The following LNPK variants were observed in gnomAD, a reference collection of about 807,000 sequenced individuals.
The protein encoded by LNPK is endoplasmic reticulum junction formation protein lunapark.
Under a neutral mutation model 55.2 loss-of-function variants are expected in LNPK, and 29 were observed. That is an observed-to-expected ratio of 0.53 (90% CI 0.39 to 0.72). The LOEUF is 0.72. LNPK is among the 30% of genes least tolerant of loss of function. The probability of loss-of-function intolerance (pLI) is 0.00; values close to 1 mark genes in which losing one functional copy is unlikely to be tolerated. For synonymous variants in LNPK, 162 were observed against 168.2 expected (o/e 0.96, Z 0.29); for missense variants, 467 against 494.8 (o/e 0.94, Z 0.53).
At chr2:175,948,362 G>A (rs988389771) in intron 8 of LNPK, among the ~76,000 whole-genome samples, 1 of 152,294 alleles carries the variant, frequency 6.6e-6, no homozygotes, top group South Asian at 2.1e-4. Flanking sequence ...TCAGGCTGCC[G>A]CCTGCTTTTG....
At chr2:175,956,570 T>C (rs1193561676) in intron 8 of LNPK, among the ~76,000 whole-genome samples, 8 of 152,196 alleles carry the variant, frequency 5.3e-5, no homozygotes, top group Non-Finnish European at 1.0e-4. Flanking sequence ...TAAGCTCCTG[T>C]TGCATATTCT....
chr2:175,971,919 TG>T (rs1477283498), intron 5 of LNPK, among the ~76,000 whole-genome samples: 2 of 152,146 alleles, frequency 1.3e-5, no homozygotes, highest in Non-Finnish European at 2.9e-5. Context: ...AAATCAAGTC[TG>T]TATTTTTTTG....
intron 9 of LNPK, chr2:175,940,846 TAA>T (rs1414939042): frequency 3.3e-6 from 1 of 306,482 alleles, no homozygotes; most frequent in Non-Finnish European, 6.4e-6. Context: ...CTTCTACAGA[TAA>T]AAACTACAAT....
chr2:175,998,595 A>C (rs144422028), intron 1 of LNPK, among the ~76,000 whole-genome samples: 301 of 152,344 alleles, frequency 2.0e-3, no homozygotes, highest in Admixed American at 3.6e-3. Flanking sequence ...AGATTTGAAT[A>C]TTTATATGTA....
At chr2:175,958,443 T>C (rs1462380217) in intron 8 of LNPK, among the ~76,000 whole-genome samples, 5 of 152,200 alleles carry the variant, frequency 3.3e-5, no homozygotes, top group Admixed American at 1.3e-4. Flanking sequence ...GGAGTGGACC[T>C]CCAGCAAACT....
chr2:175,940,844 G>A, intron 9 of LNPK: 1 of 300,428 alleles, frequency 3.3e-6, no homozygotes, highest in Non-Finnish European at 6.6e-6. Context: ...AACTTCTACA[G>A]ATAAAAACTA....
chr2:175,971,013 G>GA (rs989474940), intron 5 of LNPK, among the ~76,000 whole-genome samples: 1 of 151,922 alleles, frequency 6.6e-6, no homozygotes, highest in African/African-American at 2.4e-5. Context: ...CCATTGAGGT[G>GA]AAAAATTGAC....
chr2:175,930,269 A>G (rs546015519), intron 12 of LNPK, 70 bp from the exon 13 acceptor site: 14,721 of 940,132 alleles, frequency 0.016, 165 homozygotes, highest in Middle Eastern at 0.038. Flanking sequence ...GCAAGCAAAA[A>G]AGATAAACAC....
At position 175,927,459 on chromosome 2, in the gene LNPK, G is replaced by C. The variant is rs561443772; in HGVS notation, c.*2508C>G. 3 of 152,362 alleles carry C rather than the reference G, an allele frequency of 2.0e-5. No homozygotes were observed. Among genetic ancestry groups the C allele is most frequent in the Admixed American group, 2.0e-4 (3 of 15,296 alleles). The allele number at this position is 152,362 out of a possible 1,614,324, so 9.4% of individuals were successfully genotyped here. The stretch of plus-strand genomic sequence containing the variant: ...AAAAGGCAGAGGCCAGCTTCAGATG[G>C]GGAGTTTGGGAAGGCATCTCTCTGA... On this transcript the variant is annotated 3_prime_UTR_variant, in exon 13 of 13. Coordinates refer to ENST00000272748, the MANE Select transcript of LNPK (RefSeq NM_030650.3).
At chr2:175,945,746 C>A (rs1335565050) in intron 9 of LNPK, among the ~76,000 whole-genome samples, 1 of 152,130 alleles carries the variant, frequency 6.6e-6, no homozygotes, top group Non-Finnish European at 1.5e-5. Context: ...ACAAAAGAAT[C>A]TGGATACATG....
chr2:175,937,580 A>C, intron 11 of LNPK, 66 bp from the exon 12 acceptor site: 1 of 1,121,968 alleles, frequency 8.9e-7, no homozygotes, highest in Non-Finnish European at 1.3e-6. Context: ...CTAATTAGTT[A>C]ACTCACAAGA....
At chr2:175,967,186 A>G (rs1333886049) in intron 6 of LNPK, among the ~76,000 whole-genome samples, 2 of 152,158 alleles carry the variant, frequency 1.3e-5, no homozygotes, top group Non-Finnish European at 2.9e-5. Flanking sequence ...TGAGCTCATC[A>G]GCTATCGTTA....
At position 175,998,443 on chromosome 2, in the gene LNPK, A is replaced by AC. The variant is rs1418381109; in HGVS notation, c.-62-2798dup. 2.7e-3 allele frequency among the ~76,000 whole-genome samples: 362 copies of AC among 132,158 alleles called. 1 individual carries two copies. The highest frequency in any genetic ancestry group is 9.4e-3 in the African/African-American group (339 of 36,222). The allele number at this position is 132,158 out of a possible 152,430, so 86.7% of individuals were successfully genotyped here. On this transcript the variant is annotated intron_variant, in intron 1 of 12. Transcript: ENST00000272748. ...GGGTCACAGAGCGAGACTCCGTCTCACAAAAAAAAAAAAAAAAGAAGAAAA... is the reference window on the plus strand; with the variant it reads ...GGGTCACAGAGCGAGACTCCGTCTCACCAAAAAAAAAAAAAAAAGAAGAAAA...
At chr2:175,947,827 TATA>T (rs1447483263) in intron 8 of LNPK, 135 bp from the exon 9 acceptor site, 4 of 536,700 alleles carry the variant, frequency 7.5e-6, no homozygotes, top group African/African-American at 5.6e-5. Flanking sequence ...ATAATAAATC[TATA>T]ATATGTGACA....
intron 6 of LNPK, among the ~76,000 whole-genome samples, chr2:175,965,414 G>C (rs1309999829): frequency 6.6e-6 from 1 of 152,146 alleles, no homozygotes; most frequent in African/African-American, 2.4e-5. Context: ...GTACAAGACA[G>C]TCATAGTAAT....
intron 6 of LNPK, among the ~76,000 whole-genome samples, chr2:175,970,026 C>G (rs984043822): frequency 6.6e-6 from 1 of 152,036 alleles, no homozygotes; most frequent in Non-Finnish European, 1.5e-5. Context: ...ATCATTTGTA[C>G]CTGATTAAAT....
rs759983769 is a variant in LNPK, at chr2:175,992,425, A to C, written c.70-7T>G. On this transcript the variant is annotated splice_polypyrimidine_tract_variant and splice_region_variant and intron_variant, in intron 3 of 12. Transcript: ENST00000272748. ...CTTCCAATGCTTGAATTTCCTGTTA[A>C]GAGAAAATTATTCCATGTTAGTAAA... The C allele has an allele frequency of 3.4e-6, 5 of 1,466,364 alleles. No individual in the cohort carries two copies. The South Asian group carries it at 6.9e-5, about 20-fold the overall frequency. 90.8% of individuals were successfully genotyped at this position (1,466,364 alleles called of 1,614,324 possible). A position where few individuals can be genotyped will look rare whatever the true frequency, so the allele number is the denominator to read the frequency against.
chr2:175,989,937 A>T (rs934971505), intron 4 of LNPK, among the ~76,000 whole-genome samples: 2 of 152,206 alleles, frequency 1.3e-5, no homozygotes, highest in Admixed American at 1.3e-4. Flanking sequence ...CTGATCCATG[A>T]CCTTTCCAGT....
In LNPK at chr2:175,924,759, G is replaced by C. The variant is rs1270055666; in HGVS notation, c.*5208C>G. 6.6e-6 allele frequency: 1 copy of C among 152,338 alleles called. No homozygotes were observed. The highest frequency in any genetic ancestry group is 1.5e-5 in the Non-Finnish European group (1 of 68,378). The allele number at this position is 152,338 out of a possible 1,614,324, so 9.4% of individuals were successfully genotyped here. A position where few individuals can be genotyped will look rare whatever the true frequency, so the allele number is the denominator to read the frequency against. ...GTTCTGCAGGCTGTACTAGAAGCAT[G>C]GTGCCAGCCTCTGCTTGGCTTCTGG... On this transcript the variant is annotated 3_prime_UTR_variant, in exon 13 of 13. Transcript: ENST00000272748.
Sources: allele counts gnomAD v4.1 joint callset (sites outside exome capture counted in the v4.1 genomes callset), GRCh38; gene constraint gnomAD v4.1.1; transcripts MANE v1.5; gene names NCBI Gene and HGNC (gene_info 2026-07-23, HGNC 2026-07-21).